The following SPARCL1 variants were observed in gnomAD, a reference collection of about 807,000 sequenced individuals.
The protein encoded by SPARCL1 is SPARC like 1.
Under a neutral mutation model 67.1 loss-of-function variants are expected in SPARCL1, and 52 were observed. The observed-to-expected ratio is 0.78, with a 90% CI of 0.62 to 0.98. SPARCL1 has a LOEUF of 0.98. SPARCL1 is among the 50% of genes least tolerant of loss of function. The pLI is 0.00. For missense variants in SPARCL1, 717 were observed against 782.4 expected, an observed-to-expected ratio of 0.92 and a Z score of 1.00; for synonymous variants, 226 against 267.8, an observed-to-expected ratio of 0.84 and a Z score of 1.52.
intron 1 of SPARCL1, among the ~76,000 whole-genome samples, chr4:87,526,665 T>C (rs936089520): frequency 6.6e-6 from 1 of 152,216 alleles, no homozygotes; most frequent in Non-Finnish European, 1.5e-5. Context: ...TCCACTCTGC[T>C]GTGCTGCCTC....
At chr4:87,526,299 T>C (rs1726039443) in intron 1 of SPARCL1, among the ~76,000 whole-genome samples, 5 of 152,204 alleles carry the variant, frequency 3.3e-5, no homozygotes. Context: ...TTACATTTCT[T>C]TGGATAAAAA....
chr4:87,488,941 C>G (rs567209287), intron 7 of SPARCL1, among the ~76,000 whole-genome samples: 7 of 151,324 alleles, frequency 4.6e-5, no homozygotes, highest in Admixed American at 2.0e-4. Context: ...CCCTCCCCCC[C>G]ACCAAACTCA....
At chr4:87,481,025 A>G (rs1379533209) in intron 8 of SPARCL1, among the ~76,000 whole-genome samples, 1 of 152,116 alleles carries the variant, frequency 6.6e-6, no homozygotes, top group Non-Finnish European at 1.5e-5. Context: ...TCCCTGTTTC[A>G]TAGCTAATAC....
intron 1 of SPARCL1, among the ~76,000 whole-genome samples, chr4:87,512,560 T>G (rs1275238234): frequency 6.6e-6 from 1 of 152,114 alleles, no homozygotes; most frequent in Non-Finnish European, 1.5e-5. Context: ...TATTGAATGA[T>G]GAGAGACCAT....
intron 1 of SPARCL1, among the ~76,000 whole-genome samples, chr4:87,514,038 A>G (rs539374550): frequency 2.6e-5 from 4 of 152,134 alleles, no homozygotes; most frequent in Non-Finnish European, 5.9e-5. Flanking sequence ...TACTGAAAAC[A>G]CAAAAACTAG....
At chr4:87,477,080 T>G (rs1723612712) in intron 10 of SPARCL1, among the ~76,000 whole-genome samples, 1 of 152,214 alleles carries the variant, frequency 6.6e-6, no homozygotes, top group Non-Finnish European at 1.5e-5. Flanking sequence ...CATTAGCAGC[T>G]TTGTAAATGA....
At chr4:87,524,162 GT>G (rs548902406) in intron 1 of SPARCL1, among the ~76,000 whole-genome samples, 71 of 152,314 alleles carry the variant, frequency 4.7e-4, no homozygotes, top group African/African-American at 1.5e-3. Flanking sequence ...AAGATAAGAT[GT>G]TTTAATACTT....
At chr4:87,524,223 G>C (rs931554379) in intron 1 of SPARCL1, among the ~76,000 whole-genome samples, 3 of 151,574 alleles carry the variant, frequency 2.0e-5, no homozygotes, top group African/African-American at 7.3e-5. Flanking sequence ...AATGTAAAAA[G>C]TCACAATTCT....
chr4:87,489,923 A>C (rs1724243741), intron 7 of SPARCL1, among the ~76,000 whole-genome samples: 1 of 152,202 alleles, frequency 6.6e-6, no homozygotes, highest in Non-Finnish European at 1.5e-5. Flanking sequence ...GCTTAACTTA[A>C]ATTGGGAAGA....
Position 87,513,788 on chromosome 4 carries a change from A to C in SPARCL1, c.-11-14203T>G, listed in dbSNP as rs563844487. On this transcript the variant is annotated intron_variant, in intron 1 of 10. Coordinates refer to ENST00000282470, the MANE Select transcript of SPARCL1 (RefSeq NM_004684.6). ...AAGCTTCCCAGGAGCTAGTTCCAGA[A>C]CATATTTACTTTTAGTTCACTCATT... Among the ~76,000 whole-genome samples the C allele has an allele frequency of 3.2e-4, 49 of 152,310 alleles. 1 individual carries two copies. In the South Asian group the frequency reaches 1.0e-2, roughly 31 times the overall value.
chr4:87,528,330 C>A (rs1482569330), intron 1 of SPARCL1: 1 of 152,096 alleles, frequency 6.6e-6, no homozygotes, highest in African/African-American at 2.4e-5. Flanking sequence ...ACCATAATCT[C>A]TTTAGCTCTT....
At chr4:87,474,446 G>A (rs1723480039) in intron 10 of SPARCL1, among the ~76,000 whole-genome samples, 2 of 151,724 alleles carry the variant, frequency 1.3e-5, no homozygotes, top group South Asian at 4.2e-4. Flanking sequence ...GGAGATAATA[G>A]CTTCATTAGT....
chr4:87,512,759 G>A (rs1340737156), intron 1 of SPARCL1, among the ~76,000 whole-genome samples: 1 of 152,140 alleles, frequency 6.6e-6, no homozygotes, highest in African/African-American at 2.4e-5. Context: ...TAATGTGAGA[G>A]CATACTGTTT....
intron 7 of SPARCL1, among the ~76,000 whole-genome samples, chr4:87,489,192 G>T (rs1724202039): frequency 1.3e-5 from 2 of 152,200 alleles, no homozygotes; most frequent in Admixed American, 1.3e-4. Flanking sequence ...GCCCAGTTTT[G>T]TGCTTGAAAC....
chr4:87,520,569 T>C (rs1305161790), intron 1 of SPARCL1, among the ~76,000 whole-genome samples: 1 of 152,200 alleles, frequency 6.6e-6, no homozygotes, highest in Non-Finnish European at 1.5e-5. Flanking sequence ...TCCTGCATAA[T>C]TGTCAAAGTG....
rs1023334444 is a variant in SPARCL1 at position 87,493,632 on chromosome 4, C to T, written c.1168G>A (p.Val390Ile). 3.1e-6 allele frequency: 5 copies of T among 1,613,700 alleles called. No homozygotes were observed. Among genetic ancestry groups the T allele is most frequent in the Admixed American group, 1.7e-5 (1 of 59,924 alleles). ...GTACCTATATTTTCATTTTCATGTA[C>T]TTTTTCTCTTTGCTCCTCAATTTTG... ...HLKIEEQREKVHENENIGTTE... is the reference protein window; with the variant it reads ...HLKIEEQREKIHENENIGTTE... The change falls in exon 4 of 11, where the codon GTA becomes ATA. Residue 390 changes from valine to isoleucine, a missense_variant. Coordinates refer to ENST00000282470, the MANE Select transcript of SPARCL1 (RefSeq NM_004684.6).
At chr4:87,482,681 T>A in intron 7 of SPARCL1, 121 bp from the exon 8 acceptor site, 1 of 1,030,906 alleles carries the variant, frequency 9.7e-7, no homozygotes, top group Non-Finnish European at 1.4e-6. Context: ...TCCCCATTAT[T>A]ATGACAGTGG....
At chr4:87,501,330 T>C (rs540883237) in intron 1 of SPARCL1, among the ~76,000 whole-genome samples, 88 of 152,268 alleles carry the variant, frequency 5.8e-4, no homozygotes, top group Non-Finnish European at 1.0e-3. Context: ...CTAAGTCCCA[T>C]ATATTTTTCT....
intron 1 of SPARCL1, among the ~76,000 whole-genome samples, chr4:87,500,772 TCA>T (rs1306189033): frequency 6.6e-6 from 1 of 152,222 alleles, no homozygotes; most frequent in Non-Finnish European, 1.5e-5. Flanking sequence ...AACTATCACT[TCA>T]CACACACGTA....
Sources: gnomAD v4.1 joint callset for allele counts (sites outside exome capture counted in the v4.1 genomes callset) on GRCh38, gnomAD v4.1.1 for gene constraint, MANE v1.5 for transcripts, NCBI Gene and HGNC (gene_info 2026-07-23, HGNC 2026-07-21) for gene names.